Variants in HOGA1 observed in about 807,000 individuals in gnomAD.
HOGA1 encodes 4-hydroxy-2-oxoglutarate aldolase 1.
In HOGA1, 30 loss-of-function variants were observed where a neutral mutation model predicts 34.3. That is an observed-to-expected ratio of 0.87 (90% CI 0.65 to 1.19). The LOEUF (loss-of-function observed/expected upper bound fraction) is 1.19, where lower values mean the gene tolerates loss of function less well. Ranked by LOEUF, HOGA1 falls within the 50% of genes most tolerant of loss-of-function variation. The pLI, the probability that HOGA1 is intolerant of heterozygous loss-of-function variation, is 0.00. For synonymous variants in HOGA1, 161 were observed against 174.0 expected (o/e 0.93, Z 0.59); for missense variants, 417 against 436.5 (o/e 0.96, Z 0.40).
rs1176309526 is a variant in HOGA1 at position 97,611,685 on chromosome 10, T to G, written c.*26T>G. ...GGGCAGGCAGGGTCCATGGCTGGCC[T>G]GAGCCCATCTCAGCCTCCTGCCTTG... is the stretch of plus-strand genomic sequence containing the variant. On this transcript the variant is annotated 3_prime_UTR_variant, in exon 7 of 7. Coordinates refer to ENST00000370646, the MANE Select transcript of HOGA1 (RefSeq NM_138413.4). 2.5e-6 allele frequency: 4 copies of G among 1,604,386 alleles called. No homozygotes were observed. The highest frequency in any genetic ancestry group is 2.5e-6 in the Non-Finnish European group (3 of 1,177,316).
chr10:97,606,976 G>A (rs4638247), intron 6 of HOGA1, among the ~76,000 whole-genome samples: 113,905 of 151,980 alleles, frequency 0.75, 43,225 homozygotes, highest in African/African-American at 0.79. Flanking sequence ...TTTAAAAACT[G>A]ACACCTAAGG....
chr10:97,598,881 G>A lies in HOGA1; in HGVS notation c.318G>A (p.Leu106=). The A allele has an allele frequency of 6.2e-7, 1 of 1,614,128 alleles. No individual in the cohort carries two copies. Among genetic ancestry groups the A allele is most frequent in the South Asian group, 1.1e-5 (1 of 91,084 alleles). Residue 106 remains leucine (L), a synonymous_variant, in exon 2 of 7, where the codon CTG becomes CTA. Coordinates refer to ENST00000370646, the MANE Select transcript of HOGA1 (RefSeq NM_138413.4). The part of the protein sequence containing the change: ...VRQAMPKNRL[L]LAGSGCESTQ... ...AGGCCATGCCCAAGAACAGGCTCCT[G>A]CTAGCTGGCTCCGGATGCGAGTGTG...
At chr10:97,599,375 C>T in intron 3 of HOGA1, 159 bp downstream of exon 3, 1 of 818,584 alleles carries the variant, frequency 1.2e-6, no homozygotes, top group South Asian at 1.7e-5. Context: ...TACCTGACCA[C>T]TCTGTGTTAC....
chr10:97,611,895 G>T lies in HOGA1; in HGVS notation c.*236G>T. ...TCCTAAACTGTGTCTCTGGTCTGAA[G>T]ACTGGGAAGGAGCAATTTCTCAATT... On this transcript the variant is annotated 3_prime_UTR_variant, in exon 7 of 7. Coordinates refer to ENST00000370646, the MANE Select transcript of HOGA1 (RefSeq NM_138413.4). 1.8e-6 allele frequency: 1 copy of T among 564,612 alleles called. No homozygotes were observed. Among genetic ancestry groups the T allele is most frequent in the Middle Eastern group, 4.7e-4 (1 of 2,148 alleles). The allele number at this position is 564,612 out of a possible 1,614,324, so 35.0% of individuals were successfully genotyped here. A position where few individuals can be genotyped will look rare whatever the true frequency, so the allele number is the denominator to read the frequency against.
intron 1 of HOGA1, among the ~76,000 whole-genome samples, chr10:97,587,345 G>A (rs1229123953): frequency 2.0e-5 from 3 of 152,144 alleles, no homozygotes; most frequent in South Asian, 2.1e-4. Flanking sequence ...CCAGCACTTT[G>A]GGAGGCCAAG....
intron 3 of HOGA1, 121 bp downstream of exon 3, chr10:97,599,337 T>C: frequency 8.5e-7 from 1 of 1,181,730 alleles, no homozygotes; most frequent in Non-Finnish European, 1.2e-6. Context: ...ACTGCCACCA[T>C]GGATCAGCTG....
intron 6 of HOGA1, among the ~76,000 whole-genome samples, chr10:97,605,317 G>C (rs1476206859): frequency 2.6e-5 from 4 of 151,642 alleles, no homozygotes; most frequent in Non-Finnish European, 5.9e-5. Context: ...TGAGGCAGAA[G>C]GGAAGATCCC....
rs1169191059 is a variant in HOGA1, at chr10:97,593,029, C to CAAAAAAA, written c.212-5730_212-5724dup. Among the ~76,000 whole-genome samples, 119 of 47,778 alleles carry CAAAAAAA rather than the reference C, an allele frequency of 2.5e-3. 6 individuals carry two copies. Among genetic ancestry groups the CAAAAAAA allele is most frequent in the African/African-American group, 8.7e-3 (99 of 11,400 alleles). 31.3% of individuals were successfully genotyped at this position (47,778 alleles called of 152,430 possible). ...TGGGCGACAGAGTGAGACTCTGTCTCAAAAAAAAAAAAAAAAAAAAAAGAG... is the reference window on the plus strand; with the variant it reads ...TGGGCGACAGAGTGAGACTCTGTCTCAAAAAAAAAAAAAAAAAAAAAAAAAAAAAGAG... On this transcript the variant is annotated intron_variant, in intron 1 of 6. Coordinates refer to ENST00000370646, the MANE Select transcript of HOGA1 (RefSeq NM_138413.4).
chr10:97,598,048 T>TA (rs1324733174), intron 1 of HOGA1, among the ~76,000 whole-genome samples: 1 of 152,246 alleles, frequency 6.6e-6, no homozygotes, highest in African/African-American at 2.4e-5. Context: ...GAGGAACTCT[T>TA]AGACATATGC....
chr10:97,594,354 T>C (rs540811187), intron 1 of HOGA1, among the ~76,000 whole-genome samples: 2 of 151,718 alleles, frequency 1.3e-5, no homozygotes, highest in African/African-American at 2.4e-5. Context: ...TTTTGATTTT[T>C]AATTTTTTTT....
intron 6 of HOGA1, among the ~76,000 whole-genome samples, chr10:97,605,995 T>C (rs2135726559): frequency 6.6e-6 from 1 of 151,918 alleles, no homozygotes; most frequent in Middle Eastern, 3.4e-3. Context: ...CTAATAACTC[T>C]TAAAGAGTTC....
At position 97,603,723 on chromosome 10, in the gene HOGA1, C is replaced by T. The variant is rs566092213; in HGVS notation, c.834+1733C>T. Among the ~76,000 whole-genome samples, 54 of 151,916 alleles carry T rather than the reference C, an allele frequency of 3.6e-4. No individual in the cohort carries two copies. The highest frequency in any genetic ancestry group is 1.1e-3 in the African/African-American group (47 of 41,442). ...GATTACAGATGCCTGCCACCACACC[C>T]GGCTAATTTTTGTGCTTTTAGTGAA... On this transcript the variant is annotated intron_variant, in intron 6 of 6. Transcript: ENST00000370646. The surrounding 1 kb of genome is among the most constrained non-coding windows in gnomAD (Gnocchi z 4.5).
chr10:97,612,705 CTT>C lies in HOGA1; in HGVS notation c.*1047_*1048del, dbSNP rs2041207312. On this transcript the variant is annotated 3_prime_UTR_variant, in exon 7 of 7. Transcript: ENST00000370646. ...GCCTAGGTCTGAAACACTAAGGAGA[CTT>C]GGCCTGAGATAGGGCCATCCACTTG... 1 of 152,216 alleles carries C rather than the reference CTT, an allele frequency of 6.6e-6. No individual in the cohort carries two copies. Among genetic ancestry groups the C allele is most frequent in the South Asian group, 2.1e-4 (1 of 4,830 alleles). 9.4% of individuals were successfully genotyped at this position (152,216 alleles called of 1,614,324 possible).
rs760363384 is a variant in HOGA1, at chr10:97,599,102, A to G, written c.354A>G (p.Thr118=). ...AGSGCESTQA[T]VEMTVSMAQV... is the part of the protein sequence containing the mutation. ...TTCCTCTGGCAGCCACTCAAGCCACAGTGGAGATGACCGTCAGCATGGCCC... is the reference window on the plus strand; with the variant it reads ...TTCCTCTGGCAGCCACTCAAGCCACGGTGGAGATGACCGTCAGCATGGCCC... The change falls in exon 3 of 7, where the codon ACA becomes ACG. Residue 118 remains threonine (T), a synonymous_variant. Coordinates refer to ENST00000370646, the MANE Select transcript of HOGA1 (RefSeq NM_138413.4). 6.2e-7 allele frequency: 1 copy of G among 1,613,416 alleles called. No homozygotes were observed.
chr10:97,603,500 T>A lies in HOGA1; in HGVS notation c.834+1510T>A, dbSNP rs1001509860. On this transcript the variant is annotated intron_variant, in intron 6 of 6. Coordinates refer to ENST00000370646, the MANE Select transcript of HOGA1 (RefSeq NM_138413.4). This position sits in a 1 kb window ranked among gnomAD's most constrained non-coding sequence, Gnocchi z 4.5. ...ACCTCAGCCTCCCAAAATGCTGAGA[T>A]TACAGGCATGAGCCACCATGACTGG... Among the ~76,000 whole-genome samples the A allele has an allele frequency of 3.3e-5, 5 of 152,088 alleles. No individual in the cohort carries two copies. Among genetic ancestry groups the A allele is most frequent in the African/African-American group, 1.2e-4 (5 of 41,438 alleles).
Position 97,611,899 on chromosome 10 carries a change from G to A in HOGA1, c.*240G>A. The A allele has an allele frequency of 1.8e-6, 1 of 559,810 alleles. No individual in the cohort carries two copies. The highest frequency in any genetic ancestry group is 1.9e-5 in the African/African-American group (1 of 53,376). The allele number at this position is 559,810 out of a possible 1,614,324, so 34.7% of individuals were successfully genotyped here. A position where few individuals can be genotyped will look rare whatever the true frequency, so the allele number is the denominator to read the frequency against. Reference sequence around the variant, plus strand: ...AAACTGTGTCTCTGGTCTGAAGACTGGGAAGGAGCAATTTCTCAATTTATC... The same window carrying A: ...AAACTGTGTCTCTGGTCTGAAGACTAGGAAGGAGCAATTTCTCAATTTATC... On this transcript the variant is annotated 3_prime_UTR_variant, in exon 7 of 7. Transcript: ENST00000370646.
chr10:97,603,796 A>C lies in HOGA1; in HGVS notation c.834+1806A>C, dbSNP rs1401907632. Among the ~76,000 whole-genome samples the C allele has an allele frequency of 6.6e-6, 1 of 151,646 alleles. No individual in the cohort carries two copies. Among genetic ancestry groups the C allele is most frequent in the East Asian group, 2.0e-4 (1 of 5,128 alleles). ...AGGCTGGCCTCGAACTCCTGACCTCATGATCCACCCGCCTCGACCTCCCAA... is the reference window on the plus strand; with the variant it reads ...AGGCTGGCCTCGAACTCCTGACCTCCTGATCCACCCGCCTCGACCTCCCAA... On this transcript the variant is annotated intron_variant, in intron 6 of 6. Coordinates refer to ENST00000370646, the MANE Select transcript of HOGA1 (RefSeq NM_138413.4). The surrounding 1 kb of genome is among the most constrained non-coding windows in gnomAD (Gnocchi z 4.5).
intron 6 of HOGA1, among the ~76,000 whole-genome samples, chr10:97,606,344 G>C (rs563542807): frequency 2.2e-4 from 33 of 151,978 alleles, no homozygotes; most frequent in African/African-American, 8.0e-4. Flanking sequence ...AGATCGTAAA[G>C]ATTTTCTCTT....
At chr10:97,598,589 A>G (rs1418240203) in intron 1 of HOGA1, among the ~76,000 whole-genome samples, 186 bp from the exon 2 acceptor site, 1 of 152,254 alleles carries the variant, frequency 6.6e-6, no homozygotes, top group East Asian at 1.9e-4. Context: ...CCTGGGCAAC[A>G]GAGTGAGACC....
Sources: allele counts gnomAD v4.1 joint callset (sites outside exome capture counted in the v4.1 genomes callset), GRCh38; gene constraint gnomAD v4.1.1; non-coding constraint Gnocchi (gnomAD v3.1); transcripts MANE v1.5; gene names NCBI Gene and HGNC (gene_info 2026-07-23, HGNC 2026-07-21).